PKIB: variants seen among roughly 807,000 people sequenced by gnomAD.
The protein encoded by PKIB is cAMP-dependent protein kinase inhibitor beta, also known as PKI-beta.
Under a neutral mutation model 4.5 loss-of-function variants are expected in PKIB, and 2 were observed. The ratio of observed to expected loss-of-function variants is 0.44; its 90% CI spans 0.18 to 1.39. The LOEUF (loss-of-function observed/expected upper bound fraction) is 1.39. Ranked by LOEUF, PKIB falls within the 40% of genes most tolerant of loss-of-function variation. PKIB has a pLI of 0.27. For synonymous variants in PKIB, 38 were observed against 36.0 expected, an observed-to-expected ratio of 1.06 and a Z score of -0.20; for missense variants, 94 against 92.6, an observed-to-expected ratio of 1.02 and a Z score of -0.06.
At chr6:122,569,190 T>C (rs1167244413) in intron 2 of PKIB, among the ~76,000 whole-genome samples, 1 of 152,164 alleles carries the variant, frequency 6.6e-6, no homozygotes, top group Non-Finnish European at 1.5e-5. Flanking sequence ...CCACCCACGC[T>C]GATAGCTTAA....
chr6:122,606,972 C>G (rs1774558140), upstream of PKIB, among the ~76,000 whole-genome samples: 1 of 151,996 alleles, frequency 6.6e-6, no homozygotes, highest in Admixed American at 6.6e-5. Flanking sequence ...AAGGTAAATA[C>G]TGATTCTTGC....
chr6:122,551,812 G>T (rs1212436940), intron 2 of PKIB, among the ~76,000 whole-genome samples: 1 of 151,026 alleles, frequency 6.6e-6, no homozygotes, highest in African/African-American at 2.4e-5. Flanking sequence ...TTTCTACTGG[G>T]TTAAATGAGA....
chr6:122,539,232 G>C (rs536950814), intron 2 of PKIB, among the ~76,000 whole-genome samples: 1 of 152,048 alleles, frequency 6.6e-6, no homozygotes. Flanking sequence ...AATAGGAGGG[G>C]TGAGAGAGGG....
chr6:122,568,521 T>C (rs549575107), intron 2 of PKIB, among the ~76,000 whole-genome samples: 53 of 152,120 alleles, frequency 3.5e-4, no homozygotes, highest in African/African-American at 1.3e-3. Context: ...GGGAGTGGTG[T>C]GCAATATAAA....
chr6:122,589,709 C>G (rs1773961634), intron 3 of PKIB, among the ~76,000 whole-genome samples: 1 of 152,006 alleles, frequency 6.6e-6, no homozygotes, highest in South Asian at 2.1e-4. Flanking sequence ...TCTAGGCCGG[C>G]TCATGTTTCA....
chr6:122,657,472 T>C (rs779060606), intron 2 of PKIB, among the ~76,000 whole-genome samples: 5 of 152,206 alleles, frequency 3.3e-5, no homozygotes, highest in African/African-American at 7.2e-5. Flanking sequence ...TTGTTTTTTA[T>C]TGGTGTCAAT....
At chr6:122,580,361 G>A (rs1773668065) in intron 2 of PKIB, among the ~76,000 whole-genome samples, 1 of 152,010 alleles carries the variant, frequency 6.6e-6, no homozygotes, top group East Asian at 1.9e-4. Context: ...AAATGATGTT[G>A]GCATCTAATG....
At chr6:122,669,160 C>T (rs537549081) in intron 2 of PKIB, among the ~76,000 whole-genome samples, 1 of 152,202 alleles carries the variant, frequency 6.6e-6, no homozygotes, top group African/African-American at 2.4e-5. Context: ...TTTTCTTCCT[C>T]TATTGTGAGA....
intron 3 of PKIB, among the ~76,000 whole-genome samples, chr6:122,603,755 A>G (rs1295906438): frequency 1.3e-5 from 2 of 152,248 alleles, no homozygotes; most frequent in Non-Finnish European, 2.9e-5. Flanking sequence ...TGCTGGGATT[A>G]CAGGCATGAA....
intron 2 of PKIB, chr6:122,581,659 G>A (rs973767534): frequency 1.4e-4 from 22 of 151,848 alleles, no homozygotes; most frequent in African/African-American, 3.9e-4. Context: ...TCCTTTTAAC[G>A]TGCTTTGTTC....
intron 3 of PKIB, among the ~76,000 whole-genome samples, chr6:122,592,534 G>T (rs569363730): frequency 6.6e-6 from 1 of 152,212 alleles, no homozygotes; most frequent in African/African-American, 2.4e-5. Context: ...ACATTTTCAG[G>T]AAAGAAAAAT....
Position 122,576,689 on chromosome 6 carries a change from A to AAAAAT in PKIB, c.-247-9231_-247-9230insAAATA, listed in dbSNP as rs1345822382. ...ATCTCAAAAAAAAAAAAAAAAAAAAAATATATATATATATATATATATTTT... is the reference window on the plus strand; with the variant it reads ...ATCTCAAAAAAAAAAAAAAAAAAAAAAAAATATATATATATATATATATATATTTT... On this transcript the variant is annotated intron_variant, in intron 2 of 6. Transcript: ENST00000392491. 9.9e-3 allele frequency among the ~76,000 whole-genome samples: 341 copies of AAAAAT among 34,324 alleles called. 16 individuals are homozygous for AAAAAT. Among genetic ancestry groups the AAAAAT allele is most frequent in the Middle Eastern group, 0.036 (1 of 28 alleles). The allele number at this position is 34,324 out of a possible 152,430, so 22.5% of individuals were successfully genotyped here.
chr6:122,628,503 A>G (rs1775559080), intron 1 of PKIB, among the ~76,000 whole-genome samples: 2 of 152,164 alleles, frequency 1.3e-5, no homozygotes, highest in African/African-American at 4.8e-5. Context: ...GTTACTGAAT[A>G]TTTTTGAGCT....
upstream of PKIB, among the ~76,000 whole-genome samples, chr6:122,607,499 G>A (rs1434565065): frequency 6.6e-6 from 1 of 151,998 alleles, no homozygotes; most frequent in Non-Finnish European, 1.5e-5. Flanking sequence ...GCCTGGGTGA[G>A]AGAGTCAGAC....
At chr6:122,548,918 G>A (rs1290703421) in intron 2 of PKIB, among the ~76,000 whole-genome samples, 1 of 152,174 alleles carries the variant, frequency 6.6e-6, no homozygotes, top group Non-Finnish European at 1.5e-5. Flanking sequence ...TTAAAGGAAT[G>A]TTTGGCATAA....
At chr6:122,622,770 A>G (rs1363112982) in intron 1 of PKIB, among the ~76,000 whole-genome samples, 1 of 148,932 alleles carries the variant, frequency 6.7e-6, no homozygotes, top group African/African-American at 2.4e-5. Context: ...CCCCACAGGC[A>G]TGAGGGTTCT....
At chr6:122,577,908 C>CAAAAA (rs530700134) in intron 2 of PKIB, among the ~76,000 whole-genome samples, 2 of 74,200 alleles carry the variant, frequency 2.7e-5, no homozygotes, top group East Asian at 3.7e-4. Context: ...GACTCCGTCT[C>CAAAAA]AAAAAAAAAA....
intron 2 of PKIB, among the ~76,000 whole-genome samples, chr6:122,548,379 AT>A (rs546170599): frequency 3.3e-5 from 5 of 152,200 alleles, no homozygotes; most frequent in Admixed American, 1.3e-4. Context: ...ATTAAAAAAA[AT>A]AAATCTCTTA....
At chr6:122,554,863 A>C (rs1218555387) in intron 2 of PKIB, among the ~76,000 whole-genome samples, 1 of 152,222 alleles carries the variant, frequency 6.6e-6, no homozygotes, top group Non-Finnish European at 1.5e-5. Context: ...TCTATTAGTA[A>C]CTTTAGATAA....
Sources: allele counts gnomAD v4.1 joint callset (sites outside exome capture counted in the v4.1 genomes callset), GRCh38; gene constraint gnomAD v4.1.1; transcripts MANE v1.5; gene names NCBI Gene and HGNC (gene_info 2026-07-23, HGNC 2026-07-21).